Variants in LIAS observed in about 807,000 individuals in gnomAD.
LIAS encodes lipoyl synthase, mitochondrial.
LIAS carries 36 observed loss-of-function variants against 49.4 expected under a neutral mutation model. The observed-to-expected ratio is 0.73, with a 90% CI of 0.56 to 0.96. The LOEUF (loss-of-function observed/expected upper bound fraction) is 0.96, where lower values mean the gene tolerates loss of function less well. LIAS is among the 40% of genes least tolerant of loss of function. The pLI, the probability that LIAS is intolerant of heterozygous loss-of-function variation, is 0.00. For missense variants in LIAS, 399 were observed against 456.3 expected, an observed-to-expected ratio of 0.87 and a Z score of 1.14; for synonymous variants, 145 against 155.8, an observed-to-expected ratio of 0.93 and a Z score of 0.52.
At chr4:39,475,757 G>A (rs1336930898) in intron 10 of LIAS, 1 of 152,238 alleles carries the variant, frequency 6.6e-6, no homozygotes, top group African/African-American at 2.4e-5. Context: ...GGCACCTCTA[G>A]TTCTAGCTAC....
rs1042070299 is a variant in LIAS, at chr4:39,461,090, G to A, written c.218+128G>A. On this transcript the variant is annotated intron_variant, in intron 2 of 10. Coordinates refer to ENST00000640888, the MANE Select transcript of LIAS (RefSeq NM_006859.4). ...AAATTTAGCTAAAAATCATTAGAAA[G>A]ATGTGATAACAGAACTAGATAGAAC... The A allele has an allele frequency of 1.3e-4, 101 of 775,228 alleles. 3 individuals are homozygous for A. In the South Asian group the frequency reaches 2.2e-3, roughly 17 times the overall value. The allele number at this position is 775,228 out of a possible 1,614,324, so 48.0% of individuals were successfully genotyped here.
rs754671895 is a variant in LIAS at position 39,459,112 on chromosome 4, G to A, written c.-6G>A. The A allele has an allele frequency of 3.7e-6, 6 of 1,614,036 alleles. No individual in the cohort carries two copies. The highest frequency in any genetic ancestry group is 1.7e-5 in the Admixed American group (1 of 60,008). On this transcript the variant is annotated 5_prime_UTR_variant, in exon 1 of 11. Coordinates refer to ENST00000640888, the MANE Select transcript of LIAS (RefSeq NM_006859.4). ...ACCCCTGCACTGCGCTAGTCCTAAA[G>A]AGGAAATGTCTCTACGCTGCGGGGA...
In LIAS at chr4:39,477,067, A is replaced by T; in HGVS notation, c.1071A>T (p.Glu357Asp). The T allele has an allele frequency of 1.3e-6, 2 of 1,588,834 alleles. No homozygotes were observed. The highest frequency in any genetic ancestry group is 8.6e-7 in the Non-Finnish European group (1 of 1,165,030). The change falls in exon 11 of 11, where the codon GAA becomes GAT. Residue 357 changes from glutamate to aspartate, a missense_variant. Coordinates refer to ENST00000640888, the MANE Select transcript of LIAS (RefSeq NM_006859.4). Reference sequence around the variant, plus strand: ...GTTTTCCTTTTTCCTAAATAGGTGAATTTTTCCTGAAAAATCTAGTGGCTA... The same window carrying T: ...GTTTTCCTTTTTCCTAAATAGGTGATTTTTTCCTGAAAAATCTAGTGGCTA... ...PLVRSSYKAG[E>D]FFLKNLVAKR...
chr4:39,474,262 CA>C (rs34137564), intron 10 of LIAS, among the ~76,000 whole-genome samples: 17,334 of 92,252 alleles, frequency 0.19, 1,226 homozygotes, highest in Middle Eastern at 0.25. Flanking sequence ...GACTCTGTCT[CA>C]AAAAAAAAAA....
At chr4:39,468,104 TC>T (rs973391768) in intron 7 of LIAS, 2 of 151,988 alleles carry the variant, frequency 1.3e-5, no homozygotes, top group African/African-American at 4.8e-5. Context: ...TGTTTCCCCC[TC>T]CCCACAAATA....
rs3836577 is a variant in LIAS, at chr4:39,460,533, C to CAA, written c.46-239_46-238dup. 0.011 allele frequency among the ~76,000 whole-genome samples: 1,113 copies of CAA among 97,686 alleles called. 20 individuals are homozygous for CAA. Among genetic ancestry groups the CAA allele is most frequent in the East Asian group, 0.054 (164 of 3,044 alleles). The allele number at this position is 97,686 out of a possible 152,430, so 64.1% of individuals were successfully genotyped here. Reference sequence around the variant, plus strand: ...TGGGCAACAGAGCAAGACTCCGTCTCAAAAAAAAAAAAAAAAAAACAGATT... The same window carrying CAA: ...TGGGCAACAGAGCAAGACTCCGTCTCAAAAAAAAAAAAAAAAAAAAACAGATT... On this transcript the variant is annotated intron_variant, in intron 1 of 10. Transcript: ENST00000640888.
rs569057005 is a variant in LIAS, at chr4:39,462,161, T to G, written c.219-35T>G. 13 of 954,878 alleles carry G rather than the reference T, an allele frequency of 1.4e-5. No homozygotes were observed. The East Asian group carries it at 3.7e-4, about 27-fold the overall frequency. 59.2% of individuals were successfully genotyped at this position (954,878 alleles called of 1,614,324 possible). A position where few individuals can be genotyped will look rare whatever the true frequency, so the allele number is the denominator to read the frequency against. On this transcript the variant is annotated intron_variant, in intron 2 of 10. Coordinates refer to ENST00000640888, the MANE Select transcript of LIAS (RefSeq NM_006859.4). The stretch of plus-strand genomic sequence containing the variant: ...AGCTGTGTAATTATTTGGCAGCATA[T>G]TTGTTAATAGATAGTTATGTTTGGC...
rs548718599 is a variant in LIAS at position 39,477,800 on chromosome 4, T to A, written c.*685T>A. On this transcript the variant is annotated 3_prime_UTR_variant, in exon 11 of 11. Coordinates refer to ENST00000640888, the MANE Select transcript of LIAS (RefSeq NM_006859.4). The stretch of plus-strand genomic sequence containing the variant: ...GAGTTCGAGACCAGCCTGGGCAACA[T>A]GATGAGACCTTATCTCTACAAAAAA... 1 of 152,214 alleles carries A rather than the reference T, an allele frequency of 6.6e-6. No homozygotes were observed. Among genetic ancestry groups the A allele is most frequent in the Non-Finnish European group, 1.5e-5 (1 of 68,148 alleles). The allele number at this position is 152,214 out of a possible 1,614,324, so 9.4% of individuals were successfully genotyped here.
At chr4:39,471,566 G>C (rs112244145) in intron 9 of LIAS, among the ~76,000 whole-genome samples, 1 of 121,178 alleles carries the variant, frequency 8.3e-6, no homozygotes, top group Non-Finnish European at 1.6e-5. Context: ...TCGCTCTGTC[G>C]CCCAGGCTGG....
intron 7 of LIAS, chr4:39,469,113 G>A (rs1744885572): frequency 6.6e-6 from 1 of 152,108 alleles, no homozygotes; most frequent in Non-Finnish European, 1.5e-5. Context: ...ATTTAGCAGT[G>A]ATTTTATTAG....
At position 39,470,091 on chromosome 4, in the gene LIAS, T is replaced by C. The variant is rs368417003; in HGVS notation, c.810T>C (p.Pro270=). The change falls in exon 8 of 11, where the codon CCT becomes CCC. Residue 270 remains proline, a synonymous_variant. Transcript: ENST00000640888. ...TGAAACATGCCAAGAAGGTTCAGCC[T>C]GATGTTATTTCTAAAACATCTATAA... ...RVLKHAKKVQ[P]DVISKTSIML... is the part of the protein sequence containing the mutation. The C allele has an allele frequency of 5.0e-6, 8 of 1,613,786 alleles. No individual in the cohort carries two copies. Among genetic ancestry groups the C allele is most frequent in the Non-Finnish European group, 5.9e-6 (7 of 1,179,790 alleles).
Position 39,459,086 on chromosome 4 carries a change from A to G in LIAS, c.-32A>G, listed in dbSNP as rs78325971. 6.2e-5 allele frequency: 100 copies of G among 1,613,816 alleles called. 2 individuals carry two copies. In the South Asian group the frequency reaches 1.0e-3, roughly 17 times the overall value. ...CTTTCCCGGGAGTTAGCGATCCCTC[A>G]ACCCCTGCACTGCGCTAGTCCTAAA... On this transcript the variant is annotated 5_prime_UTR_variant, in exon 1 of 11. Transcript: ENST00000640888.
rs1578245194 is a variant in LIAS, at chr4:39,473,335, T to C, written c.1066+124T>C. ...TTGGTGGTCTTGGTAGAGGGCGTAG[T>C]TTTTCTTCTGGAACATCCTTAGGAG... On this transcript the variant is annotated intron_variant, in intron 10 of 10. Coordinates refer to ENST00000640888, the MANE Select transcript of LIAS (RefSeq NM_006859.4). 5.9e-5 allele frequency: 36 copies of C among 611,412 alleles called. No homozygotes were observed. The East Asian group carries it at 1.0e-3, about 17-fold the overall frequency. 37.9% of individuals were successfully genotyped at this position (611,412 alleles called of 1,614,324 possible). A position where few individuals can be genotyped will look rare whatever the true frequency, so the allele number is the denominator to read the frequency against.
rs1048528214 is a variant in LIAS, at chr4:39,477,718, C to A, written c.*603C>A. 1.3e-5 allele frequency: 2 copies of A among 152,284 alleles called. No homozygotes were observed. The highest frequency in any genetic ancestry group is 4.8e-5 in the African/African-American group (2 of 41,348). 9.4% of individuals were successfully genotyped at this position (152,284 alleles called of 1,614,324 possible). A position where few individuals can be genotyped will look rare whatever the true frequency, so the allele number is the denominator to read the frequency against. On this transcript the variant is annotated 3_prime_UTR_variant, in exon 11 of 11. Coordinates refer to ENST00000640888, the MANE Select transcript of LIAS (RefSeq NM_006859.4). The stretch of plus-strand genomic sequence containing the variant: ...GCATTAAAAACATGGCATGGTGGCT[C>A]ACACCTATAATCCCAACATTTTGGG...
intron 10 of LIAS, chr4:39,476,273 G>A (rs10021373): frequency 0.16 from 24,941 of 152,164 alleles, 2,301 homozygotes; most frequent in African/African-American, 0.24. Context: ...CTACTCCCAC[G>A]ACATTTGGAG....
intron 1 of LIAS, among the ~76,000 whole-genome samples, chr4:39,460,190 C>A (rs552472138): frequency 1.3e-5 from 2 of 152,174 alleles, no homozygotes; most frequent in Non-Finnish European, 2.9e-5. Flanking sequence ...AGACAAACAT[C>A]TAGTTCCTGG....
intron 9 of LIAS, among the ~76,000 whole-genome samples, chr4:39,472,403 C>G (rs1264119795): frequency 6.6e-6 from 1 of 152,124 alleles, no homozygotes; most frequent in Admixed American, 6.6e-5. Flanking sequence ...GTTCAAGGCT[C>G]AGCTGTATTC....
chr4:39,469,129 A>G (rs1208585056), intron 7 of LIAS: 1 of 152,202 alleles, frequency 6.6e-6, no homozygotes, highest in Non-Finnish European at 1.5e-5. Context: ...ATTAGCTTCT[A>G]CATATGATCT....
At chr4:39,466,639 G>A (rs902023260) in intron 6 of LIAS, 1 of 152,028 alleles carries the variant, frequency 6.6e-6, no homozygotes, top group Admixed American at 6.6e-5. Context: ...GAGGCAGAAG[G>A]ATTGCGTGAG....
Sources: allele counts gnomAD v4.1 joint callset (sites outside exome capture counted in the v4.1 genomes callset), GRCh38; gene constraint gnomAD v4.1.1; transcripts MANE v1.5; gene names NCBI Gene and HGNC (gene_info 2026-07-23, HGNC 2026-07-21).